ERC2: variants seen among roughly 807,000 people sequenced by gnomAD.
ERC2 encodes the protein ERC protein 2.
In ERC2, 42 loss-of-function variants were observed where a neutral mutation model predicts 114.8. That is an observed-to-expected ratio of 0.37 (90% CI 0.29 to 0.47). The LOEUF (loss-of-function observed/expected upper bound fraction) is 0.47, where lower values mean the gene tolerates loss of function less well. ERC2 is among the 20% of genes least tolerant of loss of function. ERC2 has a pLI of 0.99. For synonymous variants in ERC2, 454 were observed against 425.5 expected, an observed-to-expected ratio of 1.07 and a Z score of -0.82; for missense variants, 939 against 1,150.7, an observed-to-expected ratio of 0.82 and a Z score of 2.66.
intron 7 of ERC2, among the ~76,000 whole-genome samples, chr3:56,027,735 T>G (rs539453416): frequency 4.9e-4 from 75 of 152,312 alleles, no homozygotes; most frequent in African/African-American, 1.8e-3. Context: ...ATACATGGTT[T>G]GCAATTATTT....
chr3:56,216,066 A>C (rs2049447770), intron 3 of ERC2, among the ~76,000 whole-genome samples: 1 of 152,220 alleles, frequency 6.6e-6, no homozygotes, highest in South Asian at 2.1e-4. Flanking sequence ...TGACACCCTA[A>C]CATCACAATT....
intron 4 of ERC2, among the ~76,000 whole-genome samples, chr3:56,160,609 G>A (rs962551724): frequency 1.3e-5 from 2 of 152,092 alleles, no homozygotes; most frequent in African/African-American, 2.4e-5. Flanking sequence ...TAGAGTTTGA[G>A]GTCTTACATT....
intron 11 of ERC2, among the ~76,000 whole-genome samples, chr3:55,990,094 T>C (rs1217406457): frequency 1.3e-5 from 2 of 152,220 alleles, no homozygotes; most frequent in African/African-American, 4.8e-5. Context: ...AGAAAAATTT[T>C]GGTTCTAAAA....
intron 2 of ERC2, among the ~76,000 whole-genome samples, chr3:56,344,225 G>A (rs1331221692): frequency 1.3e-5 from 2 of 152,224 alleles, no homozygotes; most frequent in Admixed American, 1.3e-4. Context: ...AGGCAGGCCT[G>A]GCAGAATGTA....
chr3:55,667,007 C>T (rs2061381360), intron 17 of ERC2, among the ~76,000 whole-genome samples: 1 of 152,196 alleles, frequency 6.6e-6, no homozygotes, highest in Non-Finnish European at 1.5e-5. Flanking sequence ...TTACATAACA[C>T]ATGTTGTATA....
chr3:56,363,563 T>G lies in ERC2; in HGVS notation c.658-67128A>C, dbSNP rs78675471. On this transcript the variant is annotated intron_variant, in intron 2 of 17. Transcript: ENST00000288221. ...CAGCAACACCACATGTTTCTTCTAGTGACCAGAGTAACTACCTGAGTGTCA... is the reference window on the plus strand; with the variant it reads ...CAGCAACACCACATGTTTCTTCTAGGGACCAGAGTAACTACCTGAGTGTCA... Among the ~76,000 whole-genome samples the G allele has an allele frequency of 5.0e-3, 754 of 152,290 alleles. 5 individuals are homozygous for G. The highest frequency in any genetic ancestry group is 0.017 in the African/African-American group (722 of 41,564).
chr3:55,569,634 A>G (rs1039267271), intron 17 of ERC2, among the ~76,000 whole-genome samples: 5 of 152,236 alleles, frequency 3.3e-5, no homozygotes, highest in African/African-American at 1.2e-4. Flanking sequence ...ACTCCTCTTA[A>G]GCTAAAATGT....
intron 17 of ERC2, among the ~76,000 whole-genome samples, chr3:55,645,988 G>A (rs1006527208): frequency 1.1e-4 from 16 of 152,100 alleles, no homozygotes; most frequent in Admixed American, 3.3e-4. Context: ...GGCAAGTGTA[G>A]GTTAAATAAG....
At chr3:55,574,257 A>C (rs1212608889) in intron 17 of ERC2, among the ~76,000 whole-genome samples, 1 of 152,200 alleles carries the variant, frequency 6.6e-6, no homozygotes, top group Non-Finnish European at 1.5e-5. Flanking sequence ...CCTGGCTTCC[A>C]GATTCCTCCT....
chr3:55,720,654 C>T (rs74945392), intron 15 of ERC2, among the ~76,000 whole-genome samples: 8,233 of 152,114 alleles, frequency 0.054, 657 homozygotes, highest in African/African-American at 0.17. Context: ...TAAATGAGTA[C>T]CTGGCTCCCA....
chr3:55,714,479 C>A (rs1386342456), intron 15 of ERC2, among the ~76,000 whole-genome samples: 2 of 151,782 alleles, frequency 1.3e-5, no homozygotes, highest in Admixed American at 1.3e-4. Context: ...ATGAAATATT[C>A]AGAAGCCAGT....
chr3:55,967,478 A>G (rs2068827666), intron 12 of ERC2, among the ~76,000 whole-genome samples: 1 of 152,192 alleles, frequency 6.6e-6, no homozygotes, highest in South Asian at 2.1e-4. Context: ...TTTTTCTGGT[A>G]TAAATCCTAA....
chr3:56,214,455 A>G (rs967739997), intron 3 of ERC2, among the ~76,000 whole-genome samples: 1 of 152,162 alleles, frequency 6.6e-6, no homozygotes, highest in Non-Finnish European at 1.5e-5. Flanking sequence ...AAAGAATAAA[A>G]AGAAACGAAC....
chr3:56,243,865 G>A (rs1560448166), intron 3 of ERC2, among the ~76,000 whole-genome samples: 1 of 151,944 alleles, frequency 6.6e-6, no homozygotes, highest in Non-Finnish European at 1.5e-5. Flanking sequence ...TTTAGAGGCA[G>A]AAAAAAACTA....
At chr3:55,693,832 C>A (rs1368402600) in intron 16 of ERC2, among the ~76,000 whole-genome samples, 1 of 151,960 alleles carries the variant, frequency 6.6e-6, no homozygotes, top group Admixed American at 6.6e-5. Context: ...CCTCAGCCTC[C>A]CAAATAGCTG....
intron 14 of ERC2, among the ~76,000 whole-genome samples, chr3:55,816,204 GC>G (rs534245083): frequency 1.5e-3 from 223 of 150,624 alleles, no homozygotes; most frequent in South Asian, 8.1e-3. Flanking sequence ...GGAATTTTAA[GC>G]GTGTATCGGA....
At position 55,971,118 on chromosome 3, in the gene ERC2, A is replaced by G. The variant is rs1292982566; in HGVS notation, c.2267+14859T>C. 3.3e-5 allele frequency among the ~76,000 whole-genome samples: 5 copies of G among 152,280 alleles called. No homozygotes were observed. In the East Asian group the frequency reaches 9.7e-4, roughly 29 times the overall value. On this transcript the variant is annotated intron_variant, in intron 12 of 17. Transcript: ENST00000288221. ...ACATAATATATAATCCCAATTAAAT[A>G]AAAGGTCTCAAATACTCAAATACTT...
At chr3:55,586,728 T>C (rs2057624262) in intron 17 of ERC2, among the ~76,000 whole-genome samples, 6 of 152,256 alleles carry the variant, frequency 3.9e-5, no homozygotes, top group Admixed American at 3.9e-4. Context: ...TTATATCATC[T>C]TATTATTCTT....
At chr3:56,327,228 C>A (rs1232213058) in intron 2 of ERC2, among the ~76,000 whole-genome samples, 2 of 152,184 alleles carry the variant, frequency 1.3e-5, no homozygotes, top group Non-Finnish European at 2.9e-5. Context: ...CCTCAGGAAA[C>A]TTACAATCAT....
Sources: gnomAD v4.1 joint callset for allele counts (sites outside exome capture counted in the v4.1 genomes callset) on GRCh38, gnomAD v4.1.1 for gene constraint, MANE v1.5 for transcripts, NCBI Gene and HGNC (gene_info 2026-07-23, HGNC 2026-07-21) for gene names.